Variants in GRIK1 observed in about 807,000 individuals in gnomAD.
The protein encoded by GRIK1 is glutamate ionotropic receptor kainate type subunit 1.
A neutral mutation model predicts 105.7 loss-of-function variants in GRIK1; 69 were observed. That is an observed-to-expected ratio of 0.65 (90% CI 0.54 to 0.80). The LOEUF is 0.80. GRIK1 is among the 30% of genes least tolerant of loss of function. The pLI, the probability that GRIK1 is intolerant of heterozygous loss-of-function variation, is 0.00. For missense variants in GRIK1, 1,109 were observed against 1,167.3 expected, an observed-to-expected ratio of 0.95 and a Z score of 0.73; for synonymous variants, 438 against 431.3, an observed-to-expected ratio of 1.02 and a Z score of -0.19.
At chr21:29,750,425 A>G (rs1329532564) in intron 1 of GRIK1, among the ~76,000 whole-genome samples, 1 of 152,176 alleles carries the variant, frequency 6.6e-6, no homozygotes, top group Non-Finnish European at 1.5e-5. Flanking sequence ...AACAGTGACG[A>G]CAGGAGGCAT....
chr21:29,776,588 T>C (rs898628041), intron 1 of GRIK1, among the ~76,000 whole-genome samples: 1 of 152,184 alleles, frequency 6.6e-6, no homozygotes, highest in African/African-American at 2.4e-5. Context: ...TAGTTTCCAG[T>C]GTGGAACAAG....
chr21:29,590,114 G>C (rs572165828), intron 10 of GRIK1, among the ~76,000 whole-genome samples: 1 of 152,200 alleles, frequency 6.6e-6, no homozygotes, highest in East Asian at 1.9e-4. Context: ...AAATATAATA[G>C]TTGCTATACT....
intron 3 of GRIK1, among the ~76,000 whole-genome samples, chr21:29,682,296 C>T (rs997758864): frequency 1.4e-4 from 21 of 152,164 alleles, no homozygotes; most frequent in African/African-American, 5.1e-4. Flanking sequence ...GCAGCCTAAA[C>T]ATTTTAGTTC....
chr21:29,763,053 G>A (rs529691330), intron 1 of GRIK1, among the ~76,000 whole-genome samples: 58 of 152,228 alleles, frequency 3.8e-4, no homozygotes, highest in African/African-American at 1.4e-3. Context: ...TCTGCTAAGG[G>A]GACTGATATG....
chr21:29,890,124 T>C (rs2069837721), intron 1 of GRIK1, among the ~76,000 whole-genome samples: 1 of 152,092 alleles, frequency 6.6e-6, no homozygotes. Context: ...TTATGCATTA[T>C]TTACCTCCCC....
At chr21:29,609,228 T>C (rs2061680197) in intron 7 of GRIK1, among the ~76,000 whole-genome samples, 1 of 152,062 alleles carries the variant, frequency 6.6e-6, no homozygotes. Context: ...CTGATCTCTT[T>C]AACTCTCTCT....
chr21:29,604,702 A>G (rs912198084), intron 7 of GRIK1, among the ~76,000 whole-genome samples: 27 of 152,172 alleles, frequency 1.8e-4, no homozygotes, highest in Non-Finnish European at 3.2e-4. Context: ...TATTGTCCCT[A>G]TTTTAGGAAA....
chr21:29,699,205 C>T (rs2063766900), intron 1 of GRIK1, among the ~76,000 whole-genome samples: 2 of 152,198 alleles, frequency 1.3e-5, no homozygotes, highest in South Asian at 2.1e-4. Context: ...TGGTAAGTCA[C>T]TGTTATGGAC....
intron 1 of GRIK1, among the ~76,000 whole-genome samples, chr21:29,736,549 C>T (rs755070012): frequency 1.3e-4 from 19 of 151,682 alleles, no homozygotes; most frequent in Non-Finnish European, 2.6e-4. Context: ...GTATTATTAA[C>T]CTTAAGGATA....
intron 1 of GRIK1, among the ~76,000 whole-genome samples, chr21:29,768,855 T>C (rs1805983161): frequency 6.6e-6 from 1 of 152,236 alleles, no homozygotes; most frequent in African/African-American, 2.4e-5. Flanking sequence ...TGCAAGTCTA[T>C]TCTTCACACT....
At chr21:29,608,782 C>T (rs1313181564) in intron 7 of GRIK1, among the ~76,000 whole-genome samples, 2 of 152,128 alleles carry the variant, frequency 1.3e-5, no homozygotes, top group African/African-American at 2.4e-5. Context: ...CCAAAAAATA[C>T]TCTTAACCTA....
chr21:29,670,596 A>G (rs2063144775), intron 4 of GRIK1, among the ~76,000 whole-genome samples: 1 of 152,178 alleles, frequency 6.6e-6, no homozygotes, highest in Non-Finnish European at 1.5e-5. Context: ...CAGTTATGTG[A>G]GACAAATGAG....
chr21:29,776,270 T>G (rs1472174892), intron 1 of GRIK1, among the ~76,000 whole-genome samples: 1 of 152,214 alleles, frequency 6.6e-6, no homozygotes, highest in Non-Finnish European at 1.5e-5. Context: ...ATGATTTACC[T>G]TTTTATTCTT....
chr21:29,880,811 G>A (rs904879920), intron 1 of GRIK1, among the ~76,000 whole-genome samples: 1 of 152,082 alleles, frequency 6.6e-6, no homozygotes, highest in Non-Finnish European at 1.5e-5. Flanking sequence ...CAGGGCATGA[G>A]CTCAGGCCCA....
Position 29,555,170 on chromosome 21 carries a change from A to T in GRIK1, c.2489T>A (p.Leu830Gln). The T allele has an allele frequency of 6.2e-7, 1 of 1,613,992 alleles. No homozygotes were observed. The highest frequency in any genetic ancestry group is 8.5e-7 in the Non-Finnish European group (1 of 1,179,920). Reference sequence around the variant, plus strand: ...GATGCCTCCAATATTTTCCACTCCCAGGGCACTGGCTTCTTTGTTGTCTTC... The same window carrying T: ...GATGCCTCCAATATTTTCCACTCCCTGGGCACTGGCTTCTTTGTTGTCTTC... ...PEEDNKEASA[L>Q]GVENIGGIFI... The change falls in exon 16 of 18, where the codon CTG (leucine) becomes CAG (glutamine). Residue 830 changes from leucine (L) to glutamine (Q), a missense_variant. Transcript: ENST00000327783.
intron 7 of GRIK1, among the ~76,000 whole-genome samples, chr21:29,603,315 A>G (rs761564192): frequency 5.3e-5 from 8 of 151,898 alleles, no homozygotes; most frequent in Non-Finnish European, 8.8e-5. Context: ...ATGGCAAACT[A>G]GATGTTGCCC....
intron 16 of GRIK1, among the ~76,000 whole-genome samples, chr21:29,551,540 A>G (rs1405330088): frequency 6.6e-6 from 1 of 152,196 alleles, no homozygotes; most frequent in Non-Finnish European, 1.5e-5. Context: ...TGTTGAAAGG[A>G]TCAAATGTAA....
At chr21:29,809,040 AGTTT>A (rs2066939648) in intron 1 of GRIK1, among the ~76,000 whole-genome samples, 1 of 152,102 alleles carries the variant, frequency 6.6e-6, no homozygotes, top group African/African-American at 2.4e-5. Context: ...TAATTATCCT[AGTTT>A]ATCAAATATG....
chr21:29,782,260 G>A (rs1338349845), intron 1 of GRIK1, among the ~76,000 whole-genome samples: 5 of 151,290 alleles, frequency 3.3e-5, no homozygotes, highest in African/African-American at 4.9e-5. Context: ...CTAATTTTTT[G>A]TATTTTTAGT....
Sources: allele counts gnomAD v4.1 joint callset (sites outside exome capture counted in the v4.1 genomes callset), GRCh38; gene constraint gnomAD v4.1.1; transcripts MANE v1.5; gene names NCBI Gene and HGNC (gene_info 2026-07-23, HGNC 2026-07-21).